Variants in ATG7 observed in about 807,000 individuals in gnomAD.
The protein encoded by ATG7 is autophagy related 7, also known as ubiquitin-like modifier-activating enzyme ATG7.
ATG7 carries 70 observed loss-of-function variants against 82.4 expected under a neutral mutation model. The ratio of observed to expected loss-of-function variants is 0.85; its 90% CI spans 0.70 to 1.04. The LOEUF (loss-of-function observed/expected upper bound fraction) is 1.04. Ranked by LOEUF, ATG7 falls within the 50% of genes least tolerant of loss-of-function variation. ATG7 has a pLI of 0.00. For synonymous variants in ATG7, 287 were observed against 313.0 expected (o/e 0.92, Z 0.88); for missense variants, 792 against 864.3 (o/e 0.92, Z 1.05).
intron 20 of ATG7, among the ~76,000 whole-genome samples, chr3:11,512,996 C>T (rs1367866865): frequency 6.6e-6 from 1 of 152,216 alleles, no homozygotes; most frequent in East Asian, 1.9e-4. Flanking sequence ...CAAGTCCCCA[C>T]CAGAGTAGCT....
At chr3:11,349,763 G>C (rs1404049204) in intron 14 of ATG7, among the ~76,000 whole-genome samples, 3 of 152,142 alleles carry the variant, frequency 2.0e-5, no homozygotes, top group South Asian at 2.1e-4. Flanking sequence ...TGGTTACTTA[G>C]TACAGGTTTA....
intron 20 of ATG7, among the ~76,000 whole-genome samples, chr3:11,529,229 G>A (rs1476931683): frequency 6.6e-6 from 1 of 152,100 alleles, no homozygotes; most frequent in African/African-American, 2.4e-5. Context: ...AGTTTGCTTT[G>A]TTTTTTAAGA....
rs114864159 is a variant in ATG7 at position 11,479,839 on chromosome 3, C to G, written c.2079+52913C>G. On this transcript the variant is annotated intron_variant, in intron 20 of 20. Coordinates refer to ENST00000693202, the MANE Select transcript of ATG7 (RefSeq NM_001349232.2). ...TGTATCTCTCCTTCTCCACTTAGGG[C>G]TGTGTACCATTACTAGAATATGAAA... 8.1e-3 allele frequency among the ~76,000 whole-genome samples: 1,237 copies of G among 152,152 alleles called. 7 individuals carry two copies. Among genetic ancestry groups the G allele is most frequent in the Middle Eastern group, 0.027 (8 of 294 alleles).
At chr3:11,349,255 A>G (rs1489071805) in intron 14 of ATG7, among the ~76,000 whole-genome samples, 2 of 152,196 alleles carry the variant, frequency 1.3e-5, no homozygotes, top group African/African-American at 2.4e-5. Flanking sequence ...GTCCCCACTC[A>G]ACCCAGGAAG....
At chr3:11,396,154 G>A (rs1176309885) in intron 19 of ATG7, among the ~76,000 whole-genome samples, 1 of 151,250 alleles carries the variant, frequency 6.6e-6, no homozygotes, top group Admixed American at 6.6e-5. Context: ...TTAAAGATGG[G>A]GATAACTCTA....
At chr3:11,335,993 C>G (rs1248964751) in intron 11 of ATG7, among the ~76,000 whole-genome samples, 1 of 151,752 alleles carries the variant, frequency 6.6e-6, no homozygotes, top group South Asian at 2.1e-4. Context: ...GCCTCGGCCT[C>G]CCAAAGTGCT....
intron 14 of ATG7, among the ~76,000 whole-genome samples, chr3:11,352,643 G>C (rs184875405): frequency 2.0e-5 from 3 of 152,174 alleles, no homozygotes; most frequent in African/African-American, 4.8e-5. Context: ...CGGAGAAAAG[G>C]CTTGACCTAA....
intron 20 of ATG7, among the ~76,000 whole-genome samples, chr3:11,523,316 C>T (rs545142498): frequency 4.6e-5 from 7 of 152,216 alleles, no homozygotes; most frequent in Non-Finnish European, 1.0e-4. Flanking sequence ...AAGTAATGCT[C>T]ATAAAATTCT....
intron 20 of ATG7, among the ~76,000 whole-genome samples, chr3:11,483,858 C>T (rs1026898386): frequency 2.0e-5 from 3 of 152,124 alleles, no homozygotes; most frequent in Admixed American, 6.5e-5. Context: ...ATTCCTTGGG[C>T]TTCGTAGGCT....
At position 11,331,412 on chromosome 3, in the gene ATG7, C is replaced by A; in HGVS notation, c.751C>A (p.Leu251Ile). 6.2e-7 allele frequency: 1 copy of A among 1,607,802 alleles called. No individual in the cohort carries two copies. Residue 251 changes from leucine (L) to isoleucine (I), a missense_variant, in exon 10 of 21, where the codon CTA becomes ATA. By Grantham distance (5) the Leu-to-Ile change is conservative. Coordinates refer to ENST00000693202, the MANE Select transcript of ATG7 (RefSeq NM_001349232.2). ...PGWPLRNFLV[L>I]AAHRWSSSFQ... ...ATGGCCTTTGAGGAATTTTTTGGTC[C>A]TAGCAGCCCACAGATGGTATTTACA...
intron 20 of ATG7, among the ~76,000 whole-genome samples, chr3:11,442,739 C>CCCAAAAA (rs1553668928): frequency 1.4e-5 from 1 of 69,236 alleles, no homozygotes; most frequent in Non-Finnish European, 2.5e-5. Context: ...TCCATCTCTA[C>CCCAAAAA]AAAAAAAAAA....
At chr3:11,517,891 G>A (rs566820844) in intron 20 of ATG7, among the ~76,000 whole-genome samples, 1 of 152,344 alleles carries the variant, frequency 6.6e-6, no homozygotes, top group South Asian at 2.1e-4. Context: ...AGTGTTTTTA[G>A]CAGGGTGGTG....
chr3:11,489,727 G>C (rs1443306982), intron 20 of ATG7, among the ~76,000 whole-genome samples: 2 of 148,164 alleles, frequency 1.3e-5, no homozygotes, highest in South Asian at 2.2e-4. Flanking sequence ...CCTTCATTTC[G>C]TTATGTACCC....
the ATG7 span, among the ~76,000 whole-genome samples, chr3:11,563,455 T>A: frequency 6.6e-6 from 1 of 152,224 alleles, no homozygotes; most frequent in Non-Finnish European, 1.5e-5. Context: ...CAGCCCCTGC[T>A]GCTGCCCAAC....
chr3:11,408,712 A>T (rs987203448), intron 19 of ATG7, among the ~76,000 whole-genome samples: 2 of 152,148 alleles, frequency 1.3e-5, no homozygotes, highest in African/African-American at 4.8e-5. Context: ...TAAAACTGCC[A>T]TATCTTGTGT....
chr3:11,534,522 C>T (rs1396084789), intron 20 of ATG7, among the ~76,000 whole-genome samples: 8 of 152,242 alleles, frequency 5.3e-5, no homozygotes, highest in African/African-American at 1.2e-4. Context: ...CGGTCTGGAA[C>T]GCATCAGGGT....
At chr3:11,390,341 C>T (rs1454111644) in intron 19 of ATG7, among the ~76,000 whole-genome samples, 4 of 152,224 alleles carry the variant, frequency 2.6e-5, no homozygotes, top group Non-Finnish European at 4.4e-5. Flanking sequence ...AAACATGTGT[C>T]TCCCAGCTCT....
At chr3:11,443,777 A>G (rs940277369) in intron 20 of ATG7, among the ~76,000 whole-genome samples, 1 of 152,210 alleles carries the variant, frequency 6.6e-6, no homozygotes, top group African/African-American at 2.4e-5. Flanking sequence ...GACAAAGATC[A>G]AGAAAATTTC....
intron 11 of ATG7, among the ~76,000 whole-genome samples, chr3:11,339,295 CAAAAAAAAA>C (rs1036935586): frequency 5.0e-4 from 45 of 89,698 alleles, no homozygotes; most frequent in African/African-American, 1.8e-3. Flanking sequence ...GACTCTGTTT[CAAAAAAAAA>C]AAAAAAAAAG....
Sources: gnomAD v4.1 joint callset for allele counts (sites outside exome capture counted in the v4.1 genomes callset) on GRCh38, gnomAD v4.1.1 for gene constraint, MANE v1.5 for transcripts, NCBI Gene and HGNC (gene_info 2026-07-23, HGNC 2026-07-21) for gene names.